The following GATAD2A variants were observed in gnomAD, a reference collection of about 807,000 sequenced individuals.
The protein encoded by GATAD2A is transcriptional repressor p66-alpha.
In GATAD2A, 12 loss-of-function variants were observed where a neutral mutation model predicts 68.5. That is an observed-to-expected ratio of 0.18 (90% confidence interval 0.11 to 0.28). The LOEUF (loss-of-function observed/expected upper bound fraction) is 0.28, where lower values mean the gene tolerates loss of function less well. GATAD2A is among the 10% of genes least tolerant of loss of function. The probability of loss-of-function intolerance (pLI) is 1.00; values close to 1 mark genes in which losing one functional copy is unlikely to be tolerated. For missense variants in GATAD2A, 755 were observed against 868.5 expected (o/e 0.87, Z 1.64); for synonymous variants, 410 against 375.3 (o/e 1.09, Z -1.07).
At chr19:19,433,572 A>G (rs1397591680) in intron 1 of GATAD2A, among the ~76,000 whole-genome samples, 1 of 152,172 alleles carries the variant, frequency 6.6e-6, no homozygotes, top group African/African-American at 2.4e-5. Context: ...ATGTCTTCAT[A>G]TACTTCAGTT....
chr19:19,408,140 C>T (rs772289399), intron 1 of GATAD2A, among the ~76,000 whole-genome samples: 13 of 152,184 alleles, frequency 8.5e-5, no homozygotes, highest in Non-Finnish European at 1.5e-4. Flanking sequence ...GTTGGGACTA[C>T]CATGCCCGGC....
chr19:19,467,095 G>C (rs1172593152), intron 2 of GATAD2A, among the ~76,000 whole-genome samples: 2 of 152,260 alleles, frequency 1.3e-5, no homozygotes, highest in Non-Finnish European at 2.9e-5. Context: ...TCAGAGTTCA[G>C]CTGGGCGCGG....
At chr19:19,494,162 C>T in intron 4 of GATAD2A, 132 bp from the exon 5 acceptor site, 1 of 587,096 alleles carries the variant, frequency 1.7e-6, no homozygotes, top group South Asian at 2.0e-5. Context: ...CAAGCAGAAC[C>T]TCTGAGCGCC....
intron 2 of GATAD2A, among the ~76,000 whole-genome samples, chr19:19,473,268 G>T (rs927324727): frequency 3.3e-5 from 5 of 152,196 alleles, no homozygotes; most frequent in Non-Finnish European, 7.4e-5. Context: ...GGACGGGGCA[G>T]GCTGGGATGT....
chr19:19,420,738 C>T (rs920182387), intron 1 of GATAD2A, among the ~76,000 whole-genome samples: 11 of 151,882 alleles, frequency 7.2e-5, no homozygotes, highest in South Asian at 2.1e-4. Context: ...TGGGTTCCAT[C>T]GTGTGAAGTG....
At chr19:19,385,857 CCG>C (rs2048377563) in exon 1 of GATAD2A, 1 of 151,918 alleles carries the variant, frequency 6.6e-6, no homozygotes, top group African/African-American at 2.4e-5. Context: ...TGAGACTGAG[CCG>C]CGAGACTGAG....
intron 1 of GATAD2A, chr19:19,436,345 C>T (rs1419668794): frequency 4.2e-6 from 2 of 474,646 alleles, no homozygotes; most frequent in Admixed American, 2.5e-5. Flanking sequence ...TGGAGGGAGG[C>T]AGGCCCCCTG....
At chr19:19,448,579 G>C (rs1033458716) in intron 1 of GATAD2A, among the ~76,000 whole-genome samples, 1 of 152,170 alleles carries the variant, frequency 6.6e-6, no homozygotes, top group Non-Finnish European at 1.5e-5. Context: ...ACCTCCGCCT[G>C]CCGGGTTCAA....
rs533234859 is a variant in GATAD2A, at chr19:19,496,808, G to T, written c.924+589G>T. Among the ~76,000 whole-genome samples the T allele has an allele frequency of 5.5e-4, 84 of 152,360 alleles. 1 individual carries two copies. Among genetic ancestry groups the T allele is most frequent in the African/African-American group, 1.8e-3 (73 of 41,584 alleles). ...CAAGGGGCGGGTGGGCTGGAAACAG[G>T]CGCCTTGGCTGACAGATAAAATTAC... is the stretch of plus-strand genomic sequence containing the variant. On this transcript the variant is annotated intron_variant, in intron 7 of 11. Coordinates refer to ENST00000683918, the MANE Select transcript of GATAD2A (RefSeq NM_001384528.1).
intron 2 of GATAD2A, among the ~76,000 whole-genome samples, chr19:19,475,839 C>A (rs1023388201): frequency 1.3e-5 from 2 of 152,138 alleles, no homozygotes; most frequent in African/African-American, 4.8e-5. Flanking sequence ...TCCCAGAAAT[C>A]GCTGAAATGT....
In GATAD2A at chr19:19,498,551, C is replaced by A. The variant is rs202109702; in HGVS notation, c.1033C>A (p.Gln345Lys). ...CTCTGCCGAGTCTCCAGCAAGCCGA[C>A]AGGCGGCCGCCAAGCTGGCGCTGCG... ...VTSAESPASR[Q>K]AAAKLALRKQ... The change falls in exon 8 of 12, where the codon CAG becomes AAG. Residue 345 changes from glutamine (Q) to lysine (K), a missense_variant. Gln to Lys is a moderately conservative substitution (Grantham distance 53). Transcript: ENST00000683918. 133 of 1,613,816 alleles carry A rather than the reference C, an allele frequency of 8.2e-5. No homozygotes were observed. Among genetic ancestry groups the A allele is most frequent in the Admixed American group, 1.7e-5 (1 of 60,012 alleles).
chr19:19,430,845 G>A lies in GATAD2A; in HGVS notation c.-7+24826G>A, dbSNP rs923059686. On this transcript the variant is annotated intron_variant, in intron 1 of 11. Coordinates refer to ENST00000683918, the MANE Select transcript of GATAD2A (RefSeq NM_001384528.1). ...AGCCTGAGCTTGAGAGGATAAAATG[G>A]CAAGAAAGGACTTCTGTTGCCCAAA... Among the ~76,000 whole-genome samples, 38 of 152,234 alleles carry A rather than the reference G, an allele frequency of 2.5e-4. 1 individual carries two copies. The highest frequency in any genetic ancestry group is 5.9e-4 in the Admixed American group (9 of 15,292).
chr19:19,421,194 A>G (rs1023120492), intron 1 of GATAD2A, among the ~76,000 whole-genome samples: 2 of 152,158 alleles, frequency 1.3e-5, no homozygotes, highest in East Asian at 1.9e-4. Context: ...TAGTGCTGGC[A>G]TAGGGGTTAG....
chr19:19,479,805 A>G (rs962238276), intron 2 of GATAD2A, among the ~76,000 whole-genome samples: 1 of 149,840 alleles, frequency 6.7e-6, no homozygotes, highest in African/African-American at 2.5e-5. Context: ...TCCTCTTTGG[A>G]AGGAAGTTAC....
chr19:19,443,651 C>G (rs1017053937), intron 1 of GATAD2A, among the ~76,000 whole-genome samples: 4 of 152,112 alleles, frequency 2.6e-5, no homozygotes, highest in Non-Finnish European at 4.4e-5. Context: ...GGCCGTGGAC[C>G]TGGGTGGTAA....
intron 1 of GATAD2A, among the ~76,000 whole-genome samples, chr19:19,442,485 G>A (rs1286279341): frequency 6.6e-6 from 1 of 152,090 alleles, no homozygotes; most frequent in Non-Finnish European, 1.5e-5. Context: ...AATTAGCTGG[G>A]TGATAGTGAC....
intron 4 of GATAD2A, 96 bp from the exon 5 acceptor site, chr19:19,494,198 C>T: frequency 3.1e-6 from 2 of 644,344 alleles, no homozygotes; most frequent in South Asian, 3.6e-5. Context: ...GGAAGACAGT[C>T]AGTCCTCTTC....
intron 1 of GATAD2A, among the ~76,000 whole-genome samples, chr19:19,395,717 G>A (rs893347713): frequency 7.9e-5 from 12 of 152,300 alleles, no homozygotes; most frequent in Admixed American, 3.9e-4. Flanking sequence ...CAGTAGATAG[G>A]TCCTTCAGGA....
intron 2 of GATAD2A, among the ~76,000 whole-genome samples, chr19:19,486,765 C>G (rs2059461792): frequency 6.6e-6 from 1 of 152,202 alleles, no homozygotes; most frequent in African/African-American, 2.4e-5. Flanking sequence ...CTGCAGCCAG[C>G]CGGCTGTCTA....
Sources: gnomAD v4.1 joint callset for allele counts (sites outside exome capture counted in the v4.1 genomes callset) on GRCh38, gnomAD v4.1.1 for gene constraint, MANE v1.5 for transcripts, NCBI Gene and HGNC (gene_info 2026-07-23, HGNC 2026-07-21) for gene names.